The following PIGL variants were observed in gnomAD, a reference collection of about 807,000 sequenced individuals.
PIGL encodes the protein N-acetylglucosaminyl-phosphatidylinositol de-N-acetylase.
Under a neutral mutation model 31.1 loss-of-function variants are expected in PIGL, and 22 were observed. The observed-to-expected ratio is 0.71, with a 90% CI of 0.51 to 1.01. PIGL has a LOEUF of 1.01. Ranked by LOEUF, PIGL falls within the 50% of genes least tolerant of loss-of-function variation. The pLI is 0.00. For synonymous variants in PIGL, 131 were observed against 117.4 expected (o/e 1.12, Z -0.75); for missense variants, 302 against 315.9 (o/e 0.96, Z 0.33).
intron 2 of PIGL, among the ~76,000 whole-genome samples, chr17:16,266,914 G>A (rs972427794): frequency 1.3e-5 from 2 of 148,672 alleles, no homozygotes; most frequent in South Asian, 2.2e-4. Context: ...TTTGGGGGGG[G>A]GGGGGTTGTC....
intron 2 of PIGL, among the ~76,000 whole-genome samples, chr17:16,252,332 A>G (rs2092776341): frequency 1.3e-5 from 2 of 151,996 alleles, no homozygotes; most frequent in Admixed American, 6.6e-5. Flanking sequence ...TTGGCCTCCC[A>G]AACTGTTGGG....
At chr17:16,271,676 C>T (rs1373861480) in intron 2 of PIGL, among the ~76,000 whole-genome samples, 3 of 151,806 alleles carry the variant, frequency 2.0e-5, no homozygotes, top group Non-Finnish European at 2.9e-5. Flanking sequence ...GGACTACAGG[C>T]GCACACCACC....
In PIGL at chr17:16,313,552, G is replaced by A; in HGVS notation, c.432G>A (p.Val144=). ...HIEVNGINLV[V]TFDAGGVSGH... ...AACCCTGTGTTTCTCTACAGGTGGT[G>A]ACTTTCGATGCAGGGGGAGTAAGTG... Residue 144 remains valine (V), a synonymous_variant, in exon 4 of 7, where the codon GTG becomes GTA. Transcript: ENST00000225609. 6.2e-7 allele frequency: 1 copy of A among 1,613,322 alleles called. No homozygotes were observed. The highest frequency in any genetic ancestry group is 8.5e-7 in the Non-Finnish European group (1 of 1,179,204).
chr17:16,276,597 C>T (rs569854085), intron 2 of PIGL, among the ~76,000 whole-genome samples: 8 of 152,158 alleles, frequency 5.3e-5, no homozygotes, highest in East Asian at 3.9e-4. Flanking sequence ...ACTGGGCAGG[C>T]GTGGTGGCGG....
intron 6 of PIGL, 119 bp from the exon 7 acceptor site, chr17:16,325,681 G>A: frequency 2.6e-6 from 2 of 755,610 alleles, no homozygotes; most frequent in African/African-American, 1.7e-5. Flanking sequence ...AGACAGATAA[G>A]GCTATAGCAT....
intron 1 of PIGL, among the ~76,000 whole-genome samples, chr17:16,221,894 C>T (rs148111168): frequency 0.011 from 1,743 of 152,246 alleles, 34 homozygotes; most frequent in African/African-American, 0.04. Context: ...GCTGGGATTA[C>T]AGACGTGAGC....
intron 2 of PIGL, among the ~76,000 whole-genome samples, chr17:16,242,468 T>C (rs2092726822): frequency 6.6e-6 from 1 of 152,256 alleles, no homozygotes; most frequent in East Asian, 1.9e-4. Context: ...AATTTACTGC[T>C]AGTATGTAGC....
At chr17:16,307,085 G>C (rs1024411604) in intron 3 of PIGL, among the ~76,000 whole-genome samples, 2 of 152,172 alleles carry the variant, frequency 1.3e-5, no homozygotes, top group Non-Finnish European at 2.9e-5. Context: ...TAACAAAGGA[G>C]GCCATTCCCA....
chr17:16,220,423 C>G (rs1261986760), intron 1 of PIGL, among the ~76,000 whole-genome samples: 1 of 149,482 alleles, frequency 6.7e-6, no homozygotes, highest in Admixed American at 6.7e-5. Context: ...TCCTCTGAAT[C>G]CATTTTGTTT....
intron 2 of PIGL, among the ~76,000 whole-genome samples, chr17:16,295,817 TGTAATCCCAGCTACTC>T (rs1308835226): frequency 3.9e-5 from 6 of 152,232 alleles, no homozygotes; most frequent in Admixed American, 3.9e-4. Flanking sequence ...GGCACATGCC[TGTAATCCCAGCTACTC>T]GGGAAGCTGA....
intron 2 of PIGL, among the ~76,000 whole-genome samples, chr17:16,294,598 A>G (rs913434995): frequency 9.9e-5 from 15 of 152,238 alleles, no homozygotes; most frequent in African/African-American, 3.4e-4. Context: ...ACTGAGCAGC[A>G]ATTGAAAGTA....
intron 2 of PIGL, among the ~76,000 whole-genome samples, chr17:16,265,111 T>C (rs1246817746): frequency 2.6e-5 from 4 of 152,016 alleles, no homozygotes; most frequent in Non-Finnish European, 5.9e-5. Context: ...TTTTTCTGTA[T>C]GAGAAGGGAA....
chr17:16,277,900 G>A (rs2142785409), intron 2 of PIGL, among the ~76,000 whole-genome samples: 1 of 152,234 alleles, frequency 6.6e-6, no homozygotes, highest in Non-Finnish European at 1.5e-5. Flanking sequence ...GGAGTTTCCT[G>A]TGATTTTGGA....
At chr17:16,301,849 G>C (rs923802611) in intron 3 of PIGL, among the ~76,000 whole-genome samples, 1 of 151,558 alleles carries the variant, frequency 6.6e-6, no homozygotes, top group African/African-American at 2.4e-5. Context: ...GATTACAGGC[G>C]TGAGCCACCA....
intron 6 of PIGL, among the ~76,000 whole-genome samples, chr17:16,322,472 T>G (rs1281329676): frequency 1.3e-5 from 2 of 152,218 alleles, no homozygotes; most frequent in African/African-American, 4.8e-5. Context: ...AATACTTTAA[T>G]ACTATTAATT....
intron 3 of PIGL, among the ~76,000 whole-genome samples, chr17:16,302,243 G>A (rs779265759): frequency 6.6e-6 from 1 of 152,076 alleles, no homozygotes; most frequent in African/African-American, 2.4e-5. Flanking sequence ...CCAGCAGCTT[G>A]CAGGCCCCAC....
At chr17:16,274,788 T>A (rs1459936408) in intron 2 of PIGL, among the ~76,000 whole-genome samples, 2 of 151,218 alleles carry the variant, frequency 1.3e-5, no homozygotes, top group African/African-American at 2.4e-5. Flanking sequence ...TATCAGCGTT[T>A]TAGGAGGCCG....
At position 16,292,743 on chromosome 17, in the gene PIGL, T is replaced by G. The variant is rs76348883; in HGVS notation, c.336-7145T>G. On this transcript the variant is annotated intron_variant, in intron 2 of 6. Coordinates refer to ENST00000225609, the MANE Select transcript of PIGL (RefSeq NM_004278.4). ...ACAATAACTGTGGTAGGAGGAGGGA[T>G]GCTATCTGGGACCGTGTGATGGCTC... Among the ~76,000 whole-genome samples the G allele has an allele frequency of 4.4e-3, 677 of 152,300 alleles. 8 individuals are homozygous for G. Among genetic ancestry groups the G allele is most frequent in the African/African-American group, 0.015 (633 of 41,564 alleles).
intron 4 of PIGL, among the ~76,000 whole-genome samples, chr17:16,313,869 A>T (rs1299405146): frequency 2.0e-5 from 3 of 152,088 alleles, no homozygotes; most frequent in African/African-American, 7.2e-5. Context: ...GAATACTGCG[A>T]ATGGGGTAAT....
Sources: allele counts gnomAD v4.1 joint callset (sites outside exome capture counted in the v4.1 genomes callset), GRCh38; gene constraint gnomAD v4.1.1; transcripts MANE v1.5; gene names NCBI Gene and HGNC (gene_info 2026-07-23, HGNC 2026-07-21).